The following CAPN3 variants were observed in gnomAD, a reference collection of about 807,000 sequenced individuals.
CAPN3 encodes calpain 3, also known as calpain-3.
CAPN3 carries 88 observed loss-of-function variants against 114.0 expected under a neutral mutation model. That is an observed-to-expected ratio of 0.77 (90% CI 0.65 to 0.92). The LOEUF is 0.92. CAPN3 is among the 40% of genes least tolerant of loss of function. CAPN3 has a pLI of 0.00. For missense variants in CAPN3, 1,028 were observed against 1,069.0 expected, an observed-to-expected ratio of 0.96 and a Z score of 0.53; for synonymous variants, 386 against 382.9, an observed-to-expected ratio of 1.01 and a Z score of -0.09.
At chr15:42,411,217 G>A (rs2054216865) in intron 22 of CAPN3, 70 bp from the exon 23 acceptor site, 2 of 1,327,528 alleles carry the variant, frequency 1.5e-6, no homozygotes, top group African/African-American at 1.4e-5. Flanking sequence ...ATGGTCCTCT[G>A]AGGGGAAGTT....
In CAPN3 at chr15:42,401,669, T is replaced by C. The variant is rs767468373; in HGVS notation, c.1383T>C (p.Arg461=). 1.2e-6 allele frequency: 2 copies of C among 1,614,162 alleles called. No individual in the cohort carries two copies. The highest frequency in any genetic ancestry group is 3.3e-5 in the Admixed American group (2 of 60,020). Residue 461 remains arginine, a synonymous_variant, in exon 11 of 24, where the codon CGT becomes CGC. Transcript: ENST00000397163. ...PDTFWTNPQY[R]LKLLEEDDDP... is the part of the protein sequence containing the mutation. ...CTTTCTGGACCAACCCTCAGTACCGTCTGAAGCTCCTGGAGGAGGACGATG... is the reference window on the plus strand; with the variant it reads ...CTTTCTGGACCAACCCTCAGTACCGCCTGAAGCTCCTGGAGGAGGACGATG...
chr15:42,409,883 G>GGGGGGCCCCCCCCCCCCC, intron 18 of CAPN3, 39 bp downstream of exon 18: 1 of 559,490 alleles, frequency 1.8e-6, no homozygotes, highest in Non-Finnish European at 3.5e-6. Flanking sequence ...GGTGGGTGGG[G>GGGGGGCCCCCCCCCCCCC]AGTCCCGTTG....
intron 14 of CAPN3, chr15:42,405,086 A>G (rs2053980375): frequency 1.1e-6 from 1 of 922,758 alleles, no homozygotes; most frequent in African/African-American, 1.8e-5. Flanking sequence ...AATCTGGAAG[A>G]CACAGGGAGC....
At chr15:42,407,341 T>C (rs77946392) in intron 15 of CAPN3, among the ~76,000 whole-genome samples, 1 of 113,616 alleles carries the variant, frequency 8.8e-6, no homozygotes, top group Non-Finnish European at 2.2e-5. Context: ...ATATTTTTGG[T>C]TTTTTTTGAG....
At position 42,410,011 on chromosome 15, in the gene CAPN3, C is replaced by T. The variant is rs1208737019; in HGVS notation, c.2115+16C>T. ...GCTCATGGATGTATCCTTCCTGCCG[C>T]CCCTTCCCGACCCTCTGTCATCAGC... On this transcript the variant is annotated intron_variant, in intron 19 of 23. Coordinates refer to ENST00000397163, the MANE Select transcript of CAPN3 (RefSeq NM_000070.3). 1 of 1,611,058 alleles carries T rather than the reference C, an allele frequency of 6.2e-7. No homozygotes were observed. Among genetic ancestry groups the T allele is most frequent in the Admixed American group, 1.7e-5 (1 of 60,002 alleles).
At chr15:42,376,606 G>A (rs1040161174) in intron 1 of CAPN3, among the ~76,000 whole-genome samples, 6 of 150,512 alleles carry the variant, frequency 4.0e-5, no homozygotes, top group African/African-American at 1.5e-4. Flanking sequence ...AGCTCATAAT[G>A]TGTATCTCCT....
intron 1 of CAPN3, among the ~76,000 whole-genome samples, chr15:42,363,491 C>T (rs940636376): frequency 3.9e-5 from 6 of 152,116 alleles, no homozygotes; most frequent in African/African-American, 1.2e-4. Flanking sequence ...TGTCTCCTTC[C>T]CATGGTGGGT....
chr15:42,401,880 A>C, intron 11 of CAPN3, 70 bp downstream of exon 11: 1 of 1,526,194 alleles, frequency 6.6e-7, no homozygotes, highest in South Asian at 1.2e-5. Flanking sequence ...AGGGGCTTCT[A>C]GAGGGGCCCT....
intron 3 of CAPN3, 47 bp from the exon 4 acceptor site, chr15:42,387,699 CATTTCCT>C (rs1772078109): frequency 6.2e-7 from 1 of 1,608,628 alleles, no homozygotes; most frequent in Non-Finnish European, 8.5e-7. Context: ...AGGAAGGACA[CATTTCCT>C]AACAGTAATT....
At chr15:42,365,265 G>A (rs1454250456) in intron 1 of CAPN3, among the ~76,000 whole-genome samples, 2 of 152,168 alleles carry the variant, frequency 1.3e-5, no homozygotes, top group African/African-American at 4.8e-5. Flanking sequence ...GGCTCTGCTA[G>A]GAGAGGTTAT....
At position 42,399,568 on chromosome 15, in the gene CAPN3, G is replaced by C; in HGVS notation, c.1270G>C (p.Asp424His). The part of the protein sequence containing the change: ...CNLTADALQS[D>H]KLQTWTVSVN... ...CCTCACGGCCGATGCTCTGCAGTCT[G>C]ACAAGCTTCAGACCTGGACAGTGTC... Residue 424 changes from aspartate (D) to histidine (H), a missense_variant, in exon 10 of 24, where the codon GAC (aspartate) becomes CAC (histidine). Coordinates refer to ENST00000397163, the MANE Select transcript of CAPN3 (RefSeq NM_000070.3). The C allele has an allele frequency of 6.2e-7, 1 of 1,614,114 alleles. No individual in the cohort carries two copies. The highest frequency in any genetic ancestry group is 1.1e-5 in the South Asian group (1 of 91,064).
chr15:42,386,341 C>T, intron 3 of CAPN3, 56 bp downstream of exon 3: 1 of 1,242,350 alleles, frequency 8.0e-7, no homozygotes, highest in Non-Finnish European at 1.2e-6. Flanking sequence ...CACCGCTGGT[C>T]TCCTGGCCTT....
chr15:42,388,312 T>A (rs140865763), intron 4 of CAPN3, among the ~76,000 whole-genome samples: 312 of 152,256 alleles, frequency 2.0e-3, no homozygotes, highest in African/African-American at 7.1e-3. Context: ...ATGGATTTTT[T>A]AAATTTTTTT....
chr15:42,389,612 CT>C (rs2053498159), intron 5 of CAPN3, among the ~76,000 whole-genome samples: 1 of 152,218 alleles, frequency 6.6e-6, no homozygotes, highest in African/African-American at 2.4e-5. Flanking sequence ...ATGGCCAGGC[CT>C]CCTTCAGGGG....
At chr15:42,394,207 C>A in intron 7 of CAPN3, 49 bp from the exon 8 acceptor site, 1 of 1,508,830 alleles carries the variant, frequency 6.6e-7, no homozygotes, top group South Asian at 1.2e-5. Flanking sequence ...CAGAAGATTC[C>A]CTTTCCAGAG....
intron 6 of CAPN3, 144 bp from the exon 7 acceptor site, chr15:42,392,495 C>T (rs562602603): frequency 3.7e-5 from 25 of 680,212 alleles, no homozygotes; most frequent in East Asian, 2.0e-4. Context: ...AAGGTCCGTT[C>T]GTGGTCGTGA....
chr15:42,403,888 T>A, intron 14 of CAPN3, 111 bp downstream of exon 14: 1 of 978,984 alleles, frequency 1.0e-6, no homozygotes, highest in Non-Finnish European at 1.6e-6. Flanking sequence ...AATGGGAGTC[T>A]GGGCTGTGCT....
intron 6 of CAPN3, among the ~76,000 whole-genome samples, chr15:42,392,135 A>G (rs2053571542): frequency 6.6e-6 from 1 of 152,228 alleles, no homozygotes; most frequent in Admixed American, 6.5e-5. Context: ...ACTGCACTCC[A>G]GCCTGGGCGA....
intron 1 of CAPN3, among the ~76,000 whole-genome samples, chr15:42,383,872 C>T (rs921686790): frequency 6.6e-6 from 1 of 151,640 alleles, no homozygotes; most frequent in South Asian, 2.1e-4. Flanking sequence ...CACGCCCAGC[C>T]GACACTGCCC....
Sources: allele counts gnomAD v4.1 joint callset (sites outside exome capture counted in the v4.1 genomes callset), GRCh38; gene constraint gnomAD v4.1.1; transcripts MANE v1.5; gene names NCBI Gene and HGNC (gene_info 2026-07-23, HGNC 2026-07-21).